HP1BP3: variants seen among roughly 807,000 people sequenced by gnomAD.
HP1BP3 encodes the protein heterochromatin protein 1 binding protein 3.
A neutral mutation model predicts 62.5 loss-of-function variants in HP1BP3; 12 were observed. That is an observed-to-expected ratio of 0.19 (90% confidence interval 0.12 to 0.31). HP1BP3 has a LOEUF of 0.31. HP1BP3 is among the 10% of genes least tolerant of loss of function. HP1BP3 has a pLI of 1.00. For missense variants in HP1BP3, 502 were observed against 651.8 expected, an observed-to-expected ratio of 0.77 and a Z score of 2.50; for synonymous variants, 260 against 237.8, an observed-to-expected ratio of 1.09 and a Z score of -0.86.
chr1:20,750,903 G>C (rs1195200494), intron 9 of HP1BP3, among the ~76,000 whole-genome samples: 1 of 143,256 alleles, frequency 7.0e-6, no homozygotes, highest in Admixed American at 7.4e-5. Context: ...CTGCAACCTC[G>C]GTCTCCTGGG....
intron 3 of HP1BP3, among the ~76,000 whole-genome samples, chr1:20,777,746 C>T (rs1385659385): frequency 5.9e-5 from 9 of 152,226 alleles, no homozygotes; most frequent in Non-Finnish European, 5.9e-5. Context: ...GCGTGAGCCA[C>T]CGCGCCCAGC....
intron 9 of HP1BP3, among the ~76,000 whole-genome samples, chr1:20,753,765 A>T (rs1259295179): frequency 1.3e-5 from 2 of 152,228 alleles, no homozygotes; most frequent in Non-Finnish European, 2.9e-5. Context: ...AAGGACACAA[A>T]CCACACAATC....
At chr1:20,746,350 C>T (rs1307244365) in intron 11 of HP1BP3, among the ~76,000 whole-genome samples, 5 of 151,836 alleles carry the variant, frequency 3.3e-5, no homozygotes, top group Non-Finnish European at 7.4e-5. Flanking sequence ...CATCCCACCA[C>T]ACCTGGCAGA....
At position 20,787,256 on chromosome 1, in the gene HP1BP3, G is replaced by GCCGCTAGTCGCCTCCGCCA. The variant is rs1045849000; in HGVS notation, c.-181_-163dup. 3.3e-5 allele frequency: 5 copies of GCCGCTAGTCGCCTCCGCCA among 152,062 alleles called. No homozygotes were observed. Among genetic ancestry groups the GCCGCTAGTCGCCTCCGCCA allele is most frequent in the African/African-American group, 4.8e-5 (2 of 41,256 alleles). 9.4% of individuals were successfully genotyped at this position (152,062 alleles called of 1,614,324 possible). The stretch of plus-strand genomic sequence containing the variant: ...ACGGCCTCTCGGCGCCGCTCCCGCC[G>GCCGCTAGTCGCCTCCGCCA]CCGCTAGTCGCCTCCGCCACCGCTG... On this transcript the variant is annotated 5_prime_UTR_variant, in exon 1 of 13. Transcript: ENST00000438032.
intron 3 of HP1BP3, among the ~76,000 whole-genome samples, chr1:20,777,184 T>C (rs1158341849): frequency 2.6e-5 from 4 of 151,988 alleles, no homozygotes; most frequent in Non-Finnish European, 1.5e-5. Flanking sequence ...GGTCTGCTGC[T>C]ATTTGTGCCT....
At chr1:20,747,381 C>A (rs190061971) in intron 11 of HP1BP3, among the ~76,000 whole-genome samples, 163 bp downstream of exon 11, 1 of 152,060 alleles carries the variant, frequency 6.6e-6, no homozygotes, top group African/African-American at 2.4e-5. Context: ...TGAGTACATG[C>A]GCATTTGGGT....
intron 9 of HP1BP3, among the ~76,000 whole-genome samples, chr1:20,752,383 C>A (rs1357638355): frequency 6.6e-6 from 1 of 151,938 alleles, no homozygotes; most frequent in Non-Finnish European, 1.5e-5. Flanking sequence ...CAACCTCCGC[C>A]TCCCGGATTC....
At chr1:20,752,364 G>A (rs944644956) in intron 9 of HP1BP3, among the ~76,000 whole-genome samples, 2 of 151,302 alleles carry the variant, frequency 1.3e-5, no homozygotes, top group Non-Finnish European at 2.9e-5. Context: ...GCGCGGTCTC[G>A]GCTCACTGCA....
rs773208237 is a variant in HP1BP3, at chr1:20,767,591, T to C, written c.728A>G (p.Asn243Ser). ...KSRKTPQKSR[N>S]RKNRSSAVDP... is the part of the protein sequence containing the mutation. ...GTGGTATAGATGTCTTACCTTTCTG[T>C]TTCTGGATTTCTGAGGTGTTTTTCT... The change falls in exon 7 of 13, where the codon AAC becomes AGC. Residue 243 changes from asparagine (N) to serine (S), a missense_variant. Asn to Ser is a conservative substitution (Grantham distance 46). This residue lies in a region of HP1BP3 where 111 missense variants were observed against 242.0 expected (regional missense o/e 0.46). Coordinates refer to ENST00000438032, the MANE Select transcript of HP1BP3 (RefSeq NM_001372052.1). 1 of 1,606,540 alleles carries C rather than the reference T, an allele frequency of 6.2e-7. No individual in the cohort carries two copies. Among genetic ancestry groups the C allele is most frequent in the South Asian group, 1.1e-5 (1 of 89,962 alleles).
rs189410202 is a variant in HP1BP3, at chr1:20,770,767, C to T, written c.654+163G>A. ...ACTATCTTAATGGCACCAGCATTTT[C>T]GAAACCTAGCCTCAGATAATTCAAC... is the stretch of plus-strand genomic sequence containing the variant. On this transcript the variant is annotated intron_variant, in intron 6 of 12. Coordinates refer to ENST00000438032, the MANE Select transcript of HP1BP3 (RefSeq NM_001372052.1). Among the ~76,000 whole-genome samples the T allele has an allele frequency of 7.0e-4, 107 of 152,258 alleles. 1 individual carries two copies. The East Asian group carries it at 7.9e-3, about 11-fold the overall frequency.
At chr1:20,760,663 T>TCTCC (rs1317604586) in intron 8 of HP1BP3, among the ~76,000 whole-genome samples, 1 of 151,898 alleles carries the variant, frequency 6.6e-6, no homozygotes, top group Non-Finnish European at 1.5e-5. Context: ...ATGGTGAAAC[T>TCTCC]CTGTCTCTAC....
intron 10 of HP1BP3, among the ~76,000 whole-genome samples, 196 bp from the exon 11 acceptor site, chr1:20,747,851 T>TATAC (rs905116760): frequency 1.7e-4 from 26 of 152,336 alleles, no homozygotes; most frequent in Middle Eastern, 3.4e-3. Context: ...AGTTAAATTA[T>TATAC]ATACATACAT....
In HP1BP3 at chr1:20,770,992, T is replaced by C; in HGVS notation, c.592A>G (p.Arg198Gly). Reference protein sequence around the residue: ...IHKYPSLELERRGYLLKQALK... With the variant: ...IHKYPSLELEGRGYLLKQALK... ...GCTTGTTTAAGGAGATAACCCCTTC[T>C]CTCCAGCTCCAGAGAAGGATACTTA... Residue 198 changes from arginine (R) to glycine (G), a missense_variant, in exon 6 of 13, where the codon AGA (arginine) becomes GGA (glycine). Arg to Gly is a moderately radical substitution (Grantham distance 125). Transcript: ENST00000438032. 1 of 1,611,988 alleles carries C rather than the reference T, an allele frequency of 6.2e-7. No individual in the cohort carries two copies. The highest frequency in any genetic ancestry group is 8.5e-7 in the Non-Finnish European group (1 of 1,179,008).
In HP1BP3 at chr1:20,767,623, C is replaced by A. The variant is rs1304363266; in HGVS notation, c.696G>T (p.Gln232His). 6.2e-7 allele frequency: 1 copy of A among 1,611,214 alleles called. No homozygotes were observed. The highest frequency in any genetic ancestry group is 8.5e-7 in the Non-Finnish European group (1 of 1,179,082). Residue 232 changes from glutamine (Q) to histidine (H), a missense_variant, in exon 7 of 13, where the codon CAG becomes CAT. This residue lies in a region of HP1BP3 where 111 missense variants were observed against 242.0 expected (regional missense o/e 0.46). Transcript: ENST00000438032. ...ATTTCTGAGGTGTTTTTCTTGATTT[C>A]TGAACCACAACAAAACTTCCAGAAG... ...KGASGSFVVV[Q>H]KSRKTPQKSR...
At chr1:20,756,629 AT>A (rs2056125833) in intron 9 of HP1BP3, among the ~76,000 whole-genome samples, 1 of 152,330 alleles carries the variant, frequency 6.6e-6, no homozygotes, top group South Asian at 2.1e-4. Flanking sequence ...AAAATATGTC[AT>A]TTATGTTAAT....
chr1:20,785,771 C>A (rs1397799548), intron 1 of HP1BP3, among the ~76,000 whole-genome samples: 2 of 152,162 alleles, frequency 1.3e-5, no homozygotes, highest in Non-Finnish European at 2.9e-5. Flanking sequence ...ACCAACCAAC[C>A]CAGCAAACTT....
At chr1:20,750,116 A>T in intron 9 of HP1BP3, 1 of 674,112 alleles carries the variant, frequency 1.5e-6, no homozygotes, top group Non-Finnish European at 2.2e-6. Context: ...CATCCACCCT[A>T]AAATAATAGC....
At position 20,780,481 on chromosome 1, in the gene HP1BP3, A is replaced by G; in HGVS notation, c.-41T>C. The G allele has an allele frequency of 7.2e-7, 1 of 1,386,138 alleles. No homozygotes were observed. The highest frequency in any genetic ancestry group is 1.0e-6 in the Non-Finnish European group (1 of 972,588). The allele number at this position is 1,386,138 out of a possible 1,614,324, so 85.9% of individuals were successfully genotyped here. ...GGCCCGAGTACAGGTTACACTCTGA[A>G]GCCTCTGCTGTTAACCACAAGGATT... On this transcript the variant is annotated 5_prime_UTR_variant, in exon 2 of 13. Transcript: ENST00000438032.
At chr1:20,755,837 C>T (rs1557645493) in intron 9 of HP1BP3, among the ~76,000 whole-genome samples, 1 of 152,168 alleles carries the variant, frequency 6.6e-6, no homozygotes, top group Admixed American at 6.5e-5. Flanking sequence ...CTGGTACATG[C>T]TGCAACGTGG....
Sources: allele counts gnomAD v4.1 joint callset (sites outside exome capture counted in the v4.1 genomes callset), GRCh38; gene constraint gnomAD v4.1.1; regional missense constraint gnomAD v4.1.1; transcripts MANE v1.5; gene names NCBI Gene and HGNC (gene_info 2026-07-23, HGNC 2026-07-21).